The following NYAP2 variants were observed in gnomAD, a reference collection of about 807,000 sequenced individuals.
NYAP2 encodes the protein neuronal tyrosine-phosphorylated phosphoinositide-3-kinase adaptor 2.
NYAP2 carries 23 observed loss-of-function variants against 50.4 expected under a neutral mutation model. That is an observed-to-expected ratio of 0.46 (90% CI 0.33 to 0.65). NYAP2 has a LOEUF of 0.65. NYAP2 is among the 30% of genes least tolerant of loss of function. The pLI is 0.02. For missense variants in NYAP2, 885 were observed against 861.0 expected, an observed-to-expected ratio of 1.03 and a Z score of -0.35; for synonymous variants, 394 against 365.2, an observed-to-expected ratio of 1.08 and a Z score of -0.90.
At chr2:225,577,994 C>A (rs1209968337) in intron 4 of NYAP2, among the ~76,000 whole-genome samples, 2 of 151,904 alleles carry the variant, frequency 1.3e-5, no homozygotes, top group East Asian at 3.9e-4. Context: ...TACAGTGGTG[C>A]CATCTTGGGT....
chr2:225,667,970 A>G, the NYAP2 span, among the ~76,000 whole-genome samples: 146 of 152,306 alleles, frequency 9.6e-4, no homozygotes, highest in East Asian at 0.014. Flanking sequence ...AAAAGCAGTC[A>G]GGTAATTTAT....
chr2:225,684,801 T>G, the NYAP2 span, among the ~76,000 whole-genome samples: 1 of 152,136 alleles, frequency 6.6e-6, no homozygotes, highest in Non-Finnish European at 1.5e-5. Context: ...TCTGCCCCCC[T>G]CGGCCTCCCA....
intron 3 of NYAP2, among the ~76,000 whole-genome samples, chr2:225,422,009 T>G (rs1695224113): frequency 6.6e-6 from 1 of 152,234 alleles, no homozygotes; most frequent in African/African-American, 2.4e-5. Flanking sequence ...TTAAATGACT[T>G]TTTAGGATTT....
chr2:225,521,677 A>T (rs1260564250), intron 4 of NYAP2, among the ~76,000 whole-genome samples: 7 of 151,762 alleles, frequency 4.6e-5, no homozygotes, highest in African/African-American at 9.7e-5. Context: ...TCGGTTTGCC[A>T]GTATTTTATT....
At position 225,526,735 on chromosome 2, in the gene NYAP2, A is replaced by T. The variant is rs1008561933; in HGVS notation, c.523+13063A>T. 2.0e-5 allele frequency among the ~76,000 whole-genome samples: 3 copies of T among 152,202 alleles called. 1 individual carries two copies. The highest frequency in any genetic ancestry group is 7.2e-5 in the African/African-American group (3 of 41,448). On this transcript the variant is annotated intron_variant, in intron 4 of 6. Coordinates refer to ENST00000636099, the Ensembl canonical transcript of NYAP2. ...AGTGCTCAAAACACTGCTTAGCACT[A>T]TACTAATAAAGCACAAAGAAGGTTG...
chr2:225,675,953 A>G, the NYAP2 span, among the ~76,000 whole-genome samples: 10 of 152,068 alleles, frequency 6.6e-5, no homozygotes, highest in African/African-American at 2.4e-4. Flanking sequence ...CTTTTGAGAA[A>G]TGTCTATTCG....
intron 3 of NYAP2, among the ~76,000 whole-genome samples, chr2:225,454,638 C>A (rs1574623399): frequency 6.6e-6 from 1 of 152,126 alleles, no homozygotes; most frequent in African/African-American, 2.4e-5. Context: ...CCTGTCAGAT[C>A]AGTGGCAGCG....
At chr2:225,433,816 CA>C (rs35886164) in intron 3 of NYAP2, among the ~76,000 whole-genome samples, 816 of 62,360 alleles carry the variant, frequency 0.013, no homozygotes, top group African/African-American at 0.037. Flanking sequence ...GACTCCGTCT[CA>C]AAAAAAAAAA....
intron 3 of NYAP2, among the ~76,000 whole-genome samples, chr2:225,475,885 A>T (rs572450324): frequency 6.6e-6 from 1 of 152,186 alleles, no homozygotes; most frequent in Non-Finnish European, 1.5e-5. Context: ...ATGGCACCTT[A>T]TGGAATATGG....
At chr2:225,664,183 A>G in the NYAP2 span, among the ~76,000 whole-genome samples, 1 of 152,182 alleles carries the variant, frequency 6.6e-6, no homozygotes, top group Non-Finnish European at 1.5e-5. Flanking sequence ...GCTGATGTGC[A>G]CCGGAAATTG....
Position 225,451,518 on chromosome 2 carries a change from T to C in NYAP2, c.221+42417T>C, listed in dbSNP as rs1192384024. 2.0e-5 allele frequency among the ~76,000 whole-genome samples: 3 copies of C among 152,296 alleles called. No homozygotes were observed. In the East Asian group the frequency reaches 5.8e-4, roughly 29 times the overall value. The stretch of plus-strand genomic sequence containing the variant: ...TTATATATATATATATCAGGATGAA[T>C]GCATTTACCAGACCTAGCAGATGAT... On this transcript the variant is annotated intron_variant, in intron 3 of 6. Coordinates refer to ENST00000636099, the Ensembl canonical transcript of NYAP2.
At chr2:225,643,742 T>G (rs1178597594) in intron 6 of NYAP2, among the ~76,000 whole-genome samples, 2 of 151,998 alleles carry the variant, frequency 1.3e-5, no homozygotes, top group East Asian at 1.9e-4. Flanking sequence ...TGATTTCCAC[T>G]TTCATCCATG....
chr2:225,680,138 G>C, the NYAP2 span, among the ~76,000 whole-genome samples: 3 of 152,126 alleles, frequency 2.0e-5, no homozygotes, highest in Non-Finnish European at 4.4e-5. Flanking sequence ...GGATTCTTCA[G>C]TTTAGCTACT....
chr2:225,416,454 C>T (rs889369337), intron 3 of NYAP2, among the ~76,000 whole-genome samples: 2 of 152,096 alleles, frequency 1.3e-5, no homozygotes, highest in South Asian at 2.1e-4. Context: ...GTCAAAATGG[C>T]GTCTGTCCTG....
At chr2:225,614,459 A>C (rs528900626) in intron 5 of NYAP2, among the ~76,000 whole-genome samples, 5 of 152,188 alleles carry the variant, frequency 3.3e-5, no homozygotes, top group Non-Finnish European at 7.4e-5. Flanking sequence ...TAGAGATTCA[A>C]CTACTTTTAC....
chr2:225,696,123 C>T, the NYAP2 span, among the ~76,000 whole-genome samples: 1 of 151,848 alleles, frequency 6.6e-6, no homozygotes, highest in Non-Finnish European at 1.5e-5. Flanking sequence ...AAGTAAAATT[C>T]AGGTAATGGA....
chr2:225,444,066 A>G (rs1406076566), intron 3 of NYAP2, among the ~76,000 whole-genome samples: 1 of 152,202 alleles, frequency 6.6e-6, no homozygotes, highest in East Asian at 1.9e-4. Flanking sequence ...CATAATGACA[A>G]TCATCTGCTC....
chr2:225,585,747 C>T (rs185786907), intron 5 of NYAP2, among the ~76,000 whole-genome samples: 19 of 152,246 alleles, frequency 1.2e-4, no homozygotes, highest in African/African-American at 4.6e-4. Context: ...TTTTGACTCT[C>T]GAGGAAAGTA....
intron 3 of NYAP2, among the ~76,000 whole-genome samples, chr2:225,494,987 G>T (rs1471906084): frequency 3.3e-5 from 5 of 152,050 alleles, no homozygotes; most frequent in African/African-American, 9.7e-5. Flanking sequence ...TTTGAATTTG[G>T]CAACAAGATA....
Sources: allele counts gnomAD v4.1 joint callset (sites outside exome capture counted in the v4.1 genomes callset), GRCh38; gene constraint gnomAD v4.1.1; transcripts MANE v1.5; gene names NCBI Gene and HGNC (gene_info 2026-07-23, HGNC 2026-07-21).